Variants in CDH23 observed in about 807,000 individuals in gnomAD.
CDH23 encodes the protein cadherin related 23, also known as cadherin-23.
In CDH23, 189 loss-of-function variants were observed where a neutral mutation model predicts 317.1. The ratio of observed to expected loss-of-function variants is 0.60; its 90% CI spans 0.53 to 0.67. The LOEUF is 0.67. Ranked by LOEUF, CDH23 falls within the 30% of genes least tolerant of loss-of-function variation. The pLI is 0.00. For synonymous variants in CDH23, 1,839 were observed against 1,876.8 expected (o/e 0.98, Z 0.52); for missense variants, 4,401 against 4,592.4 (o/e 0.96, Z 1.20).
intron 12 of CDH23, chr10:71,645,581 C>T (rs1862801253): frequency 1.5e-6 from 1 of 688,990 alleles, no homozygotes; most frequent in East Asian, 2.8e-5. Context: ...CTGAAGGGGA[C>T]ACTGTGGGCA....
chr10:71,411,300 C>T (rs1438772559), intron 1 of CDH23, among the ~76,000 whole-genome samples: 2 of 152,050 alleles, frequency 1.3e-5, no homozygotes, highest in Non-Finnish European at 2.9e-5. Context: ...AGTTTTAATA[C>T]ATTATATTCA....
chr10:71,429,228 T>G (rs1024803785), intron 1 of CDH23, among the ~76,000 whole-genome samples: 2 of 152,198 alleles, frequency 1.3e-5, no homozygotes, highest in Non-Finnish European at 2.9e-5. Context: ...AGGGGTCAGC[T>G]GGAGGGAAGG....
chr10:71,574,137 G>C (rs1028077332), intron 8 of CDH23, among the ~76,000 whole-genome samples: 1 of 151,682 alleles, frequency 6.6e-6, no homozygotes, highest in Admixed American at 6.6e-5. Flanking sequence ...CCTTGCCTCT[G>C]CTGCCCCGGG....
At chr10:71,744,556 C>A (rs1209441777) in intron 38 of CDH23, among the ~76,000 whole-genome samples, 3 of 152,238 alleles carry the variant, frequency 2.0e-5, no homozygotes, top group Non-Finnish European at 4.4e-5. Flanking sequence ...TGGCCAAACC[C>A]TCTGCAGGGA....
At chr10:71,668,369 A>G (rs116331650) in intron 14 of CDH23, among the ~76,000 whole-genome samples, 2,469 of 152,286 alleles carry the variant, frequency 0.016, 72 homozygotes, top group African/African-American at 0.057. Context: ...CCTGGATCCC[A>G]TGGCCGAGCT....
At chr10:71,762,302 G>A (rs1188628513) in intron 38 of CDH23, among the ~76,000 whole-genome samples, 2 of 152,258 alleles carry the variant, frequency 1.3e-5, no homozygotes, top group African/African-American at 4.8e-5. Context: ...AGTCGGGTGT[G>A]TCCCTCTTCC....
chr10:71,663,433 C>T (rs1665696), intron 14 of CDH23, among the ~76,000 whole-genome samples: 72,547 of 152,104 alleles, frequency 0.48, 17,595 homozygotes, highest in South Asian at 0.57. Flanking sequence ...CTTCCAGCTG[C>T]AGCTCTGCTC....
At chr10:71,762,786 G>A (rs146716326) in intron 38 of CDH23, among the ~76,000 whole-genome samples, 59 of 152,354 alleles carry the variant, frequency 3.9e-4, no homozygotes, top group African/African-American at 1.3e-3. Context: ...CTGAGGGACC[G>A]GGACAGAGAG....
intron 8 of CDH23, among the ~76,000 whole-genome samples, chr10:71,571,131 G>A (rs1421904052): frequency 6.6e-6 from 1 of 152,194 alleles, no homozygotes; most frequent in African/African-American, 2.4e-5. Context: ...TACCCAAGGG[G>A]CTCTGTGTGG....
intron 1 of CDH23, among the ~76,000 whole-genome samples, chr10:71,399,937 C>T (rs756895788): frequency 6.6e-6 from 1 of 151,982 alleles, no homozygotes; most frequent in African/African-American, 2.4e-5. Flanking sequence ...TACTCTCCAC[C>T]TCATCTGCCC....
chr10:71,453,794 A>G (rs1175593043), intron 3 of CDH23, among the ~76,000 whole-genome samples: 1 of 152,220 alleles, frequency 6.6e-6, no homozygotes. Flanking sequence ...AGCCACAGGA[A>G]TTGTGGGGCT....
intron 69 of CDH23, 48 bp from the exon 70 acceptor site, chr10:71,814,904 A>G: frequency 1.9e-6 from 3 of 1,538,500 alleles, no homozygotes; most frequent in East Asian, 2.3e-5. Flanking sequence ...CCACCTGCTC[A>G]CCCCTTGGGC....
In CDH23 at chr10:71,740,848, T is replaced by G; in HGVS notation, c.4515T>G (p.Pro1505=). 6.2e-7 allele frequency: 1 copy of G among 1,613,740 alleles called. No homozygotes were observed. ...TTGTGGCTTCTGACCGAGGCACCCC[T>G]CCACGGAAGAAGGACCACATCCTGC... ...LQVVASDRGT[P]PRKKDHILQV... The change falls in exon 37 of 70, where the codon CCT becomes CCG. Residue 1505 remains proline (P), a synonymous_variant. Transcript: ENST00000224721.
At chr10:71,639,729 C>T (rs115664071) in intron 11 of CDH23, among the ~76,000 whole-genome samples, 165 of 152,220 alleles carry the variant, frequency 1.1e-3, no homozygotes, top group African/African-American at 3.7e-3. Context: ...AGGTGTGTGA[C>T]GCCTGTGTCA....
chr10:71,711,087 C>G (rs1865952456), intron 27 of CDH23, among the ~76,000 whole-genome samples: 1 of 152,298 alleles, frequency 6.6e-6, no homozygotes, highest in African/African-American at 2.4e-5. Flanking sequence ...CCAGCCCGCC[C>G]ATGCCCAGAT....
chr10:71,618,498 A>G (rs1049005781), intron 11 of CDH23, among the ~76,000 whole-genome samples: 4 of 152,040 alleles, frequency 2.6e-5, no homozygotes, highest in Non-Finnish European at 5.9e-5. Context: ...CTGCCATGCT[A>G]ATAGGACTTC....
chr10:71,512,789 G>A lies in CDH23; in HGVS notation c.429+1577G>A, dbSNP rs182698022. On this transcript the variant is annotated intron_variant, in intron 6 of 69. Transcript: ENST00000224721. ...ATTCTCCAAAGGCCTGTGCCTCCAA[G>A]GAGAGAGTCTCTTCAAGTCATTCAT... Among the ~76,000 whole-genome samples the A allele has an allele frequency of 2.5e-3, 382 of 152,342 alleles. 3 individuals are homozygous for A. The highest frequency in any genetic ancestry group is 8.8e-3 in the African/African-American group (366 of 41,590).
intron 8 of CDH23, among the ~76,000 whole-genome samples, chr10:71,576,578 C>A (rs2132395895): frequency 6.6e-6 from 1 of 152,252 alleles, no homozygotes; most frequent in East Asian, 1.9e-4. Flanking sequence ...GACACAAGAG[C>A]CCTTCATTAG....
chr10:71,523,601 A>G (rs1208143718), intron 6 of CDH23, among the ~76,000 whole-genome samples: 1 of 152,158 alleles, frequency 6.6e-6, no homozygotes, highest in East Asian at 1.9e-4. Context: ...GCCGGGGGGA[A>G]ATAAATAAAT....
Sources: allele counts gnomAD v4.1 joint callset (sites outside exome capture counted in the v4.1 genomes callset), GRCh38; gene constraint gnomAD v4.1.1; transcripts MANE v1.5; gene names NCBI Gene and HGNC (gene_info 2026-07-23, HGNC 2026-07-21).